DENND1B: variants seen among roughly 807,000 people sequenced by gnomAD.
The protein encoded by DENND1B is DENN domain containing 1B.
In DENND1B, 59 loss-of-function variants were observed where a neutral mutation model predicts 90.1. The ratio of observed to expected loss-of-function variants is 0.65; its 90% CI spans 0.53 to 0.81. The LOEUF is 0.81. DENND1B is among the 40% of genes least tolerant of loss of function. DENND1B has a pLI of 0.00. For synonymous variants in DENND1B, 337 were observed against 324.6 expected (o/e 1.04, Z -0.41); for missense variants, 862 against 912.6 (o/e 0.94, Z 0.71).
At position 197,602,298 on chromosome 1, in the gene DENND1B, A is replaced by T. The variant is rs145672608; in HGVS notation, c.921+4775T>A. ...TATTGAATGCCTATTTACAAAGCAC[A>T]GTACCAAGGCTGTGTGGTGGAGGCA... is the stretch of plus-strand genomic sequence containing the variant. On this transcript the variant is annotated intron_variant, in intron 13 of 22. Transcript: ENST00000620048. Among the ~76,000 whole-genome samples, 891 of 151,674 alleles carry T rather than the reference A, an allele frequency of 5.9e-3. 13 individuals are homozygous for T. Among genetic ancestry groups the T allele is most frequent in the African/African-American group, 0.02 (833 of 41,482 alleles).
Position 197,607,159 on chromosome 1 carries a change from A to C in DENND1B, c.835T>G (p.Ser279Ala). 2.0e-6 allele frequency: 3 copies of C among 1,538,178 alleles called. No individual in the cohort carries two copies. The East Asian group carries it at 7.1e-5, about 36-fold the overall frequency. Reference sequence around the variant, plus strand: ...TTTAACATAACAACATCTTCCAATGATTTGTTTTTCACTCTCTATAAAAAA... The same window carrying C: ...TTTAACATAACAACATCTTCCAATGCTTTGTTTTTCACTCTCTATAAAAAA... ...SSLIERVKNK[S>A]LEDVVMLNVD... Residue 279 changes from serine to alanine, a missense_variant, in exon 13 of 23, where the codon TCA becomes GCA. Physicochemically the swap from Ser to Ala is moderately conservative, Grantham distance 99. Coordinates refer to ENST00000620048, the MANE Select transcript of DENND1B (RefSeq NM_001195215.2).
At chr1:197,611,040 C>T (rs1003540513) in intron 12 of DENND1B, among the ~76,000 whole-genome samples, 2 of 150,714 alleles carry the variant, frequency 1.3e-5, no homozygotes, top group African/African-American at 4.8e-5. Flanking sequence ...TATCAACAGA[C>T]TCATCTTTGA....
chr1:197,601,867 A>G (rs1676242003), intron 13 of DENND1B, among the ~76,000 whole-genome samples: 1 of 151,750 alleles, frequency 6.6e-6, no homozygotes. Context: ...TTTAAGGTTT[A>G]TATTTTCAAA....
chr1:197,614,022 C>G (rs905336405), intron 11 of DENND1B, among the ~76,000 whole-genome samples: 1 of 149,402 alleles, frequency 6.7e-6, no homozygotes. Flanking sequence ...CTGAATACAT[C>G]TAGGAAAACT....
chr1:197,682,769 A>C (rs1656827483), intron 3 of DENND1B, among the ~76,000 whole-genome samples: 2 of 152,192 alleles, frequency 1.3e-5, no homozygotes. Context: ...ACATATGTGC[A>C]AAGAAAGGTC....
rs537452590 is a variant in DENND1B at position 197,721,076 on chromosome 1, T to TA, written c.83-6003_83-6002insT. Among the ~76,000 whole-genome samples the TA allele has an allele frequency of 1.1e-4, 16 of 144,116 alleles. No individual in the cohort carries two copies. The South Asian group carries it at 2.8e-3, about 25-fold the overall frequency. 94.5% of individuals were successfully genotyped at this position (144,116 alleles called of 152,430 possible). A position where few individuals can be genotyped will look rare whatever the true frequency, so the allele number is the denominator to read the frequency against. On this transcript the variant is annotated intron_variant, in intron 2 of 22. Transcript: ENST00000620048. The stretch of plus-strand genomic sequence containing the variant: ...GCCTGAGAAACGGCATTTTTTTTTT[T>TA]TTTTTTTTTTTGAGACGGAGTCTCA...
chr1:197,678,692 A>C (rs1656339154), intron 3 of DENND1B, among the ~76,000 whole-genome samples: 1 of 152,140 alleles, frequency 6.6e-6, no homozygotes, highest in Admixed American at 6.5e-5. Context: ...TTTTATAGGG[A>C]GAATTATATT....
intron 16 of DENND1B, among the ~76,000 whole-genome samples, chr1:197,549,375 C>T (rs778840468): frequency 2.6e-5 from 4 of 151,776 alleles, no homozygotes; most frequent in Non-Finnish European, 4.4e-5. Context: ...GTCAGTAAAA[C>T]TAAATAAGAA....
At chr1:197,591,613 CA>C (rs1189580129) in intron 14 of DENND1B, among the ~76,000 whole-genome samples, 2 of 152,178 alleles carry the variant, frequency 1.3e-5, no homozygotes, top group African/African-American at 4.8e-5. Context: ...TCCAGGTAAA[CA>C]AAACCATAAA....
At chr1:197,695,263 T>C (rs1183550317) in intron 3 of DENND1B, among the ~76,000 whole-genome samples, 4 of 151,228 alleles carry the variant, frequency 2.6e-5, no homozygotes, top group Non-Finnish European at 5.9e-5. Context: ...TTATAATGTT[T>C]CGTTCTGATT....
chr1:197,536,190 G>GAGATT (rs1308242408), intron 20 of DENND1B, among the ~76,000 whole-genome samples: 8 of 147,554 alleles, frequency 5.4e-5, no homozygotes, highest in Non-Finnish European at 7.5e-5. Flanking sequence ...GAGATGAGAT[G>GAGATT]ACATGAGATG....
At chr1:197,649,677 T>C (rs899901290) in intron 7 of DENND1B, among the ~76,000 whole-genome samples, 11 of 152,146 alleles carry the variant, frequency 7.2e-5, no homozygotes, top group African/African-American at 2.7e-4. Context: ...TGTAGGAGAA[T>C]GAAACTGGAT....
intron 2 of DENND1B, among the ~76,000 whole-genome samples, chr1:197,727,542 A>G (rs907107569): frequency 2.0e-5 from 3 of 152,120 alleles, no homozygotes; most frequent in Middle Eastern, 3.4e-3. Flanking sequence ...CTCAAAAAAA[A>G]AAAAAGAAAA....
chr1:197,601,332 T>C (rs1676191658), intron 13 of DENND1B, among the ~76,000 whole-genome samples: 2 of 151,714 alleles, frequency 1.3e-5, no homozygotes, highest in South Asian at 4.1e-4. Context: ...TCTGTGATGG[T>C]GCTCAGAAAC....
intron 10 of DENND1B, among the ~76,000 whole-genome samples, chr1:197,621,118 G>A (rs1009581982): frequency 6.6e-5 from 10 of 151,202 alleles, no homozygotes; most frequent in Non-Finnish European, 1.2e-4. Context: ...GGAGGAAGTG[G>A]GAGAATGGCA....
In DENND1B at chr1:197,629,052, A is replaced by C. The variant is rs1179361415; in HGVS notation, c.673-11293T>G. Among the ~76,000 whole-genome samples, 3 of 152,284 alleles carry C rather than the reference A, an allele frequency of 2.0e-5. No homozygotes were observed. The East Asian group carries it at 5.8e-4, about 29-fold the overall frequency. On this transcript the variant is annotated intron_variant, in intron 10 of 22. Coordinates refer to ENST00000620048, the MANE Select transcript of DENND1B (RefSeq NM_001195215.2). ...ACAGGTGCTGGAGAGGATGTGGAGA[A>C]ATAGGTACACTTTTACACTGTTGGT...
Position 197,770,983 on chromosome 1 carries a change from C to T in DENND1B, c.82+1885G>A, listed in dbSNP as rs187553168. Among the ~76,000 whole-genome samples, 36 of 148,444 alleles carry T rather than the reference C, an allele frequency of 2.4e-4. 1 individual carries two copies. In the East Asian group the frequency reaches 3.3e-3, roughly 14 times the overall value. On this transcript the variant is annotated intron_variant, in intron 2 of 22. Coordinates refer to ENST00000620048, the MANE Select transcript of DENND1B (RefSeq NM_001195215.2). ...CTGGAGTGTGGTGGTGCTATCTCGG[C>T]GCACTGCAACCTCCACAACCCCAGT...
At chr1:197,728,543 G>C (rs1250746839) in intron 2 of DENND1B, among the ~76,000 whole-genome samples, 1 of 152,096 alleles carries the variant, frequency 6.6e-6, no homozygotes, top group Non-Finnish European at 1.5e-5. Context: ...AAAAGTTTCA[G>C]AATCAGCCTT....
chr1:197,704,697 TTA>T (rs1335433464), intron 3 of DENND1B, among the ~76,000 whole-genome samples: 3 of 152,162 alleles, frequency 2.0e-5, no homozygotes, highest in African/African-American at 4.8e-5. Flanking sequence ...CAACTCCATG[TTA>T]TGAAAAATGG....
Sources: gnomAD v4.1 joint callset for allele counts (sites outside exome capture counted in the v4.1 genomes callset) on GRCh38, gnomAD v4.1.1 for gene constraint, MANE v1.5 for transcripts, NCBI Gene and HGNC (gene_info 2026-07-23, HGNC 2026-07-21) for gene names.